SLC25A31: variants seen among roughly 807,000 people sequenced by gnomAD.
SLC25A31 encodes solute carrier family 25 member 31.
SLC25A31 carries 40 observed loss-of-function variants against 36.2 expected under a neutral mutation model. That is an observed-to-expected ratio of 1.10 (90% confidence interval 0.86 to 1.44). The LOEUF (loss-of-function observed/expected upper bound fraction) is 1.44, where lower values mean the gene tolerates loss of function less well. Among genes scored for constraint, SLC25A31 ranks in the 40% most tolerant of loss-of-function variants. The pLI is 0.00. For missense variants in SLC25A31, 350 were observed against 397.1 expected, an observed-to-expected ratio of 0.88 and a Z score of 1.01; for synonymous variants, 143 against 149.7, an observed-to-expected ratio of 0.96 and a Z score of 0.32.
At chr4:127,755,132 C>T (rs1412740809) in intron 2 of SLC25A31, among the ~76,000 whole-genome samples, 1 of 151,876 alleles carries the variant, frequency 6.6e-6, no homozygotes, top group African/African-American at 2.4e-5. Context: ...ACACCATATA[C>T]AAAAAAATTA....
chr4:127,745,556 T>G (rs1731809934), intron 2 of SLC25A31, among the ~76,000 whole-genome samples: 1 of 152,260 alleles, frequency 6.6e-6, no homozygotes, highest in Non-Finnish European at 1.5e-5. Context: ...CCAAGCTGTC[T>G]TAGGAGGTTT....
chr4:127,773,352 G>A (rs763540757), intron 5 of SLC25A31, 34 bp from the exon 6 acceptor site: 20 of 1,570,282 alleles, frequency 1.3e-5, no homozygotes, highest in Non-Finnish European at 1.7e-5. Context: ...AAGATATTCA[G>A]ATAATGGAAA....
intron 2 of SLC25A31, among the ~76,000 whole-genome samples, chr4:127,749,413 C>T (rs993035371): frequency 6.6e-6 from 1 of 152,092 alleles, no homozygotes; most frequent in Non-Finnish European, 1.5e-5. Context: ...TCAGGAAGCT[C>T]AGAGGACTCC....
intron 2 of SLC25A31, among the ~76,000 whole-genome samples, chr4:127,762,409 G>T (rs1399882045): frequency 1.3e-5 from 2 of 152,148 alleles, no homozygotes; most frequent in African/African-American, 4.8e-5. Context: ...TTTAATGGTT[G>T]CCTAGGACTT....
intron 5 of SLC25A31, among the ~76,000 whole-genome samples, chr4:127,770,412 G>A (rs1369654880): frequency 6.6e-6 from 1 of 152,074 alleles, no homozygotes; most frequent in African/African-American, 2.4e-5. Flanking sequence ...GGATCACGAA[G>A]TCAAGAGATC....
rs143403825 is a variant in SLC25A31 at position 127,731,396 on chromosome 4, G to A, written c.232+619G>A. Among the ~76,000 whole-genome samples the A allele has an allele frequency of 5.9e-4, 90 of 151,752 alleles. 3 individuals carry two copies. In the East Asian group the frequency reaches 0.016, roughly 26 times the overall value. On this transcript the variant is annotated intron_variant, in intron 1 of 5. Coordinates refer to ENST00000281154, the MANE Select transcript of SLC25A31 (RefSeq NM_031291.4). The stretch of plus-strand genomic sequence containing the variant: ...CTAAAAAAAAAAAACCCAACCCTCA[G>A]TCATCAAGATAAAAAGTATTTTAAG...
chr4:127,749,708 CAAAA>C (rs34540386), intron 2 of SLC25A31, among the ~76,000 whole-genome samples: 2 of 106,150 alleles, frequency 1.9e-5, no homozygotes, highest in Non-Finnish European at 3.9e-5. Context: ...GACTCCATCT[CAAAA>C]AAAAAAAAAA....
chr4:127,730,523 C>T lies in SLC25A31; in HGVS notation c.-23C>T, dbSNP rs1360344815. 1.2e-6 allele frequency: 2 copies of T among 1,604,334 alleles called. No individual in the cohort carries two copies. The highest frequency in any genetic ancestry group is 1.7e-5 in the Admixed American group (1 of 59,832). Reference sequence around the variant, plus strand: ...CGTACTCATTTTTAGCCACTGCTGCCGGTTTTTATATCCTTCTCCATCATG... The same window carrying T: ...CGTACTCATTTTTAGCCACTGCTGCTGGTTTTTATATCCTTCTCCATCATG... On this transcript the variant is annotated 5_prime_UTR_variant, in exon 1 of 6. Coordinates refer to ENST00000281154, the MANE Select transcript of SLC25A31 (RefSeq NM_031291.4).
intron 3 of SLC25A31, among the ~76,000 whole-genome samples, chr4:127,766,317 A>C (rs1349534336): frequency 6.6e-6 from 1 of 151,512 alleles, no homozygotes; most frequent in African/African-American, 2.4e-5. Context: ...ACAGGCGACC[A>C]CCACGACGCC....
chr4:127,745,469 T>TA (rs999369989), intron 2 of SLC25A31, among the ~76,000 whole-genome samples: 13 of 152,094 alleles, frequency 8.5e-5, no homozygotes, highest in Admixed American at 4.6e-4. Context: ...CCCTCACTCT[T>TA]AAAAAATCTC....
intron 1 of SLC25A31, among the ~76,000 whole-genome samples, chr4:127,732,249 T>G (rs1337022969): frequency 1.3e-5 from 2 of 152,202 alleles, no homozygotes; most frequent in African/African-American, 2.4e-5. Flanking sequence ...TACTGTCCCA[T>G]TTAAAAAAGC....
chr4:127,734,907 A>G (rs1430272111), intron 1 of SLC25A31, among the ~76,000 whole-genome samples: 1 of 152,170 alleles, frequency 6.6e-6, no homozygotes, highest in Non-Finnish European at 1.5e-5. Context: ...GGGATCCTGA[A>G]AAAAAGAGTG....
chr4:127,768,864 G>A lies in SLC25A31; in HGVS notation c.746G>A (p.Arg249His), dbSNP rs200720529. 19 of 1,592,858 alleles carry A rather than the reference G, an allele frequency of 1.2e-5. No homozygotes were observed. The highest frequency in any genetic ancestry group is 6.8e-5 in the East Asian group (3 of 43,910). Residue 249 changes from arginine (R) to histidine (H), a missense_variant, in exon 5 of 6, where the codon CGT (arginine) becomes CAT (histidine). Physicochemically the swap from Arg to His is conservative, Grantham distance 29. Transcript: ENST00000281154. ...LSYPFDTVRR[R>H]MMMQSGEAKR... ...TATCCCTTTGACACAGTTAGAAGACGTATGATGATGCAGGTATTTTATGTT... is the reference window on the plus strand; with the variant it reads ...TATCCCTTTGACACAGTTAGAAGACATATGATGATGCAGGTATTTTATGTT...
intron 1 of SLC25A31, among the ~76,000 whole-genome samples, chr4:127,739,799 T>TCTG: frequency 6.6e-6 from 1 of 152,042 alleles, no homozygotes. Flanking sequence ...TCTGTATTTT[T>TCTG]GTCTAACTGG....
rs2148750113 is a variant in SLC25A31, at chr4:127,730,442, G to A, written c.-104G>A. 6 of 1,252,574 alleles carry A rather than the reference G, an allele frequency of 4.8e-6. No homozygotes were observed. In the South Asian group the frequency reaches 7.1e-5, roughly 15 times the overall value. The allele number at this position is 1,252,574 out of a possible 1,614,324, so 77.6% of individuals were successfully genotyped here. A position where few individuals can be genotyped will look rare whatever the true frequency, so the allele number is the denominator to read the frequency against. ...TCAGCGTCCCAAGAGCCACTTTCTC[G>A]CCAGTACGATGCTGCAGCGGTTTTC... On this transcript the variant is annotated 5_prime_UTR_variant, in exon 1 of 6. Transcript: ENST00000281154.
rs371452335 is a variant in SLC25A31, at chr4:127,730,706, C to T, written c.161C>T (p.Ser54Leu). ...VKLLLQVQASSKQISPEARYK... is the reference protein window; with the variant it reads ...VKLLLQVQASLKQISPEARYK... ...CTGCTGCTGCAGGTGCAGGCGTCGT[C>T]GAAGCAGATCAGCCCCGAGGCGCGG... Residue 54 changes from serine to leucine, a missense_variant, in exon 1 of 6, where the codon TCG becomes TTG. Physicochemically the swap from Ser to Leu is moderately radical, Grantham distance 145. Coordinates refer to ENST00000281154, the MANE Select transcript of SLC25A31 (RefSeq NM_031291.4). 1 of 1,613,762 alleles carries T rather than the reference C, an allele frequency of 6.2e-7. No individual in the cohort carries two copies. Among genetic ancestry groups the T allele is most frequent in the Non-Finnish European group, 8.5e-7 (1 of 1,179,950 alleles).
intron 2 of SLC25A31, among the ~76,000 whole-genome samples, chr4:127,745,705 G>A (rs1016031045): frequency 6.6e-6 from 1 of 152,152 alleles, no homozygotes; most frequent in Non-Finnish European, 1.5e-5. Flanking sequence ...CCAGGGTGGT[G>A]GGGCAGGGTG....
intron 2 of SLC25A31, among the ~76,000 whole-genome samples, chr4:127,753,906 A>G (rs1179504166): frequency 6.6e-6 from 1 of 152,164 alleles, no homozygotes; most frequent in Non-Finnish European, 1.5e-5. Flanking sequence ...AAACATGCAG[A>G]AATCCTCAAG....
intron 2 of SLC25A31, among the ~76,000 whole-genome samples, chr4:127,760,938 G>T (rs1466782248): frequency 1.3e-5 from 2 of 152,110 alleles, no homozygotes; most frequent in Non-Finnish European, 2.9e-5. Flanking sequence ...CTCCAGCCTG[G>T]GCGGGGGGAA....
Sources: allele counts gnomAD v4.1 joint callset (sites outside exome capture counted in the v4.1 genomes callset), GRCh38; gene constraint gnomAD v4.1.1; transcripts MANE v1.5; gene names NCBI Gene and HGNC (gene_info 2026-07-23, HGNC 2026-07-21).